Variants in LPA observed in about 807,000 individuals in gnomAD.
LPA encodes the protein lipoprotein(a).
Under a neutral mutation model 197.9 loss-of-function variants are expected in LPA, and 199 were observed. The observed-to-expected ratio is 1.01, with a 90% CI of 0.90 to 1.13. The LOEUF is 1.13. Among genes scored for constraint, LPA ranks in the 50% most tolerant of loss-of-function variants. The probability of loss-of-function intolerance (pLI) is 0.00; values close to 1 mark genes in which losing one functional copy is unlikely to be tolerated. For missense variants in LPA, 1,853 were observed against 1,785.8 expected, an observed-to-expected ratio of 1.04 and a Z score of -0.68; for synonymous variants, 715 against 639.5, an observed-to-expected ratio of 1.12 and a Z score of -1.78.
rs750237739 is a variant in LPA, at chr6:160,578,542, T to C, written c.4452A>G (p.Thr1484=). 1 of 1,613,796 alleles carries C rather than the reference T, an allele frequency of 6.2e-7. No homozygotes were observed. Among genetic ancestry groups the C allele is most frequent in the East Asian group, 2.2e-5 (1 of 44,890 alleles). Reference sequence around the variant, plus strand: ...TCTTACCTTGTTCAGAAGGAGCCTCTGTGCTTGGAACCGGGGCCACTGTGG... The same window carrying C: ...TCTTACCTTGTTCAGAAGGAGCCTCCGTGCTTGGAACCGGGGCCACTGTGG... ...TTPTVAPVPS[T]EAPSEQAPPE... Residue 1484 remains threonine, a synonymous_variant, in exon 27 of 39, where the codon ACA becomes ACG. Transcript: ENST00000316300.
chr6:160,609,112 C>G (rs982545787), intron 16 of LPA, among the ~76,000 whole-genome samples: 2 of 151,840 alleles, frequency 1.3e-5, no homozygotes, highest in African/African-American at 4.8e-5. Context: ...AAATAGTTAT[C>G]TTAGTCATAT....
In LPA at chr6:160,605,057, G is replaced by T; in HGVS notation, c.2934C>A (p.Tyr978Ter). The T allele has an allele frequency of 6.2e-7, 1 of 1,613,776 alleles. No homozygotes were observed. Among genetic ancestry groups the T allele is most frequent in the Non-Finnish European group, 8.5e-7 (1 of 1,179,772 alleles). ...GAAAATAGACATACGCATTTGGGTAGTATGCTGGGGTCCGACTATGCGAGT... is the reference window on the plus strand; with the variant it reads ...GAAAATAGACATACGCATTTGGGTATTATGCTGGGGTCCGACTATGCGAGT... ...TPHSHSRTPA[Y>*]YPNAGLIKNY... The change falls in exon 18 of 39, where the codon TAC becomes TAA. Residue 978 changes from tyrosine (Y) to a stop codon, truncating the protein, a stop_gained. Transcript: ENST00000316300. LOFTEE classifies it high-confidence loss of function.
chr6:160,589,008 C>T (rs976250256), intron 24 of LPA, among the ~76,000 whole-genome samples: 1 of 152,228 alleles, frequency 6.6e-6, no homozygotes, highest in African/African-American at 2.4e-5. Flanking sequence ...TACTTCCTGA[C>T]TCTCAGCTGC....
intron 35 of LPA, among the ~76,000 whole-genome samples, chr6:160,540,621 T>C (rs899215380): frequency 6.6e-6 from 1 of 152,202 alleles, no homozygotes; most frequent in Non-Finnish European, 1.5e-5. Context: ...GCTCTGGCCA[T>C]GTGACATGCC....
chr6:160,583,668 G>T (rs545777457), intron 26 of LPA, among the ~76,000 whole-genome samples: 1 of 152,256 alleles, frequency 6.6e-6, no homozygotes, highest in South Asian at 2.1e-4. Flanking sequence ...TTCAGCCAGA[G>T]ACTTGAAGAG....
intron 1 of LPA, among the ~76,000 whole-genome samples, chr6:160,654,995 A>G (rs1780107652): frequency 6.6e-6 from 1 of 152,136 alleles, no homozygotes. Context: ...AGTGGAGAAC[A>G]TGGGCATTTG....
intron 1 of LPA, among the ~76,000 whole-genome samples, chr6:160,651,300 T>C (rs1310342524): frequency 6.6e-6 from 1 of 152,204 alleles, no homozygotes; most frequent in Non-Finnish European, 1.5e-5. Flanking sequence ...TTAGATTATG[T>C]GTATGAAGAT....
At chr6:160,609,924 A>C (rs1385675920) in intron 16 of LPA, among the ~76,000 whole-genome samples, 1 of 152,098 alleles carries the variant, frequency 6.6e-6, no homozygotes, top group African/African-American at 2.4e-5. Context: ...TCAGGCGGAC[A>C]TACAGTAATT....
Position 160,661,684 on chromosome 6 carries a change from T to A in LPA, c.49+2482A>T, listed in dbSNP as rs376865469. On this transcript the variant is annotated intron_variant, in intron 1 of 38. Coordinates refer to ENST00000316300, the MANE Select transcript of LPA (RefSeq NM_005577.4). The stretch of plus-strand genomic sequence containing the variant: ...GGCATTGGCTGATGCATTCTGAACC[T>A]AATCCACTAAAAAGCACTTGATAGA... 3.9e-5 allele frequency among the ~76,000 whole-genome samples: 6 copies of A among 152,212 alleles called. No homozygotes were observed. In the South Asian group the frequency reaches 1.2e-3, roughly 32 times the overall value.
intron 28 of LPA, among the ~76,000 whole-genome samples, chr6:160,561,864 C>T (rs747772670): frequency 1.3e-5 from 2 of 152,092 alleles, no homozygotes; most frequent in African/African-American, 4.8e-5. Context: ...CAGGATTTGG[C>T]TCTGTGTCTC....
intron 7 of LPA, among the ~76,000 whole-genome samples, chr6:160,634,328 G>C (rs1378424930): frequency 2.0e-5 from 2 of 99,242 alleles, no homozygotes; most frequent in African/African-American, 9.3e-5. Flanking sequence ...TGTTTCCCTA[G>C]ATCGTTGATC....
chr6:160,609,733 A>T (rs1170796361), intron 16 of LPA, among the ~76,000 whole-genome samples: 1 of 151,514 alleles, frequency 6.6e-6, no homozygotes, highest in East Asian at 1.9e-4. Flanking sequence ...GGTTAATTTT[A>T]TATTTCCCTA....
intron 17 of LPA, among the ~76,000 whole-genome samples, chr6:160,606,254 G>A (rs1210291632): frequency 1.3e-5 from 2 of 152,094 alleles, no homozygotes; most frequent in African/African-American, 4.8e-5. Flanking sequence ...CGATCACCCT[G>A]GAGGGTTTGT....
At chr6:160,576,261 CAA>C (rs1308056093) in intron 28 of LPA, among the ~76,000 whole-genome samples, 1 of 148,844 alleles carries the variant, frequency 6.7e-6, no homozygotes, top group African/African-American at 2.5e-5. Context: ...CAAGTCCTGG[CAA>C]CACATGTCCT....
Position 160,595,478 on chromosome 6 carries a change from G to T in LPA, c.3345C>A (p.Tyr1115Ter). ...NPDAEIRPWC[Y>*]TMDPSVRWEY... is the part of the protein sequence containing the mutation. ...CCCACCTGACACTGGGATCCATGGT[G>T]TAACACCAAGGGCGAATCTCAGCAT... is the stretch of plus-strand genomic sequence containing the variant. The change falls in exon 21 of 39, where the codon TAC becomes TAA. Residue 1115 changes from tyrosine to a stop codon, truncating the protein, a stop_gained. Transcript: ENST00000316300. LOFTEE classifies it high-confidence loss of function. The T allele has an allele frequency of 6.2e-7, 1 of 1,613,916 alleles. No individual in the cohort carries two copies. Among genetic ancestry groups the T allele is most frequent in the Non-Finnish European group, 8.5e-7 (1 of 1,179,952 alleles).
At chr6:160,535,839 G>A (rs531234759) in intron 37 of LPA, among the ~76,000 whole-genome samples, 1 of 152,258 alleles carries the variant, frequency 6.6e-6, no homozygotes, top group African/African-American at 2.4e-5. Context: ...GAAGATGGGA[G>A]AGCCAGAACT....
At chr6:160,576,372 A>ATATATATATGTG (rs1778667587) in intron 28 of LPA, among the ~76,000 whole-genome samples, 1 of 26,652 alleles carries the variant, frequency 3.8e-5, no homozygotes, top group Non-Finnish European at 5.8e-5. Context: ...ATATACATAT[A>ATATATATATGTG]TATATATATA....
chr6:160,631,296 TC>T (rs2115079736), intron 8 of LPA, among the ~76,000 whole-genome samples: 1 of 33,732 alleles, frequency 3.0e-5, no homozygotes. Context: ...TGCAGAAAGT[TC>T]CTTTCTTGTT....
chr6:160,588,164 G>A (rs1424620944), intron 24 of LPA, among the ~76,000 whole-genome samples: 3 of 151,902 alleles, frequency 2.0e-5, no homozygotes, highest in African/African-American at 7.3e-5. Flanking sequence ...AGCTTCTTGT[G>A]TCTCTATTAA....
Sources: allele counts gnomAD v4.1 joint callset (sites outside exome capture counted in the v4.1 genomes callset), GRCh38; gene constraint gnomAD v4.1.1; transcripts MANE v1.5; gene names NCBI Gene and HGNC (gene_info 2026-07-23, HGNC 2026-07-21).